Variants in ANKRD54 observed in about 807,000 individuals in gnomAD.
The protein encoded by ANKRD54 is ankyrin repeat domain-containing protein 54.
Under a neutral mutation model 36.2 loss-of-function variants are expected in ANKRD54, and 26 were observed. The observed-to-expected ratio is 0.72, with a 90% CI of 0.53 to 1.00. The LOEUF is 1.00. ANKRD54 is among the 50% of genes least tolerant of loss of function. The pLI is 0.00. For synonymous variants in ANKRD54, 209 were observed against 188.4 expected (o/e 1.11, Z -0.89); for missense variants, 384 against 424.3 (o/e 0.91, Z 0.83).
intron 6 of ANKRD54, 41 bp from the exon 7 acceptor site, chr22:37,832,785 G>A: frequency 6.2e-7 from 1 of 1,609,276 alleles, no homozygotes; most frequent in Non-Finnish European, 8.5e-7. Flanking sequence ...GGTTCCTAGG[G>A]AGGCAGACAG....
upstream of ANKRD54, chr22:37,847,585 C>T: frequency 2.2e-6 from 1 of 460,008 alleles, no homozygotes. Context: ...TAGATCAGAT[C>T]TCTTTCACTG....
chr22:37,849,161 T>G (rs1273077402), upstream of ANKRD54: 8 of 465,480 alleles, frequency 1.7e-5, no homozygotes, highest in African/African-American at 1.6e-4. Context: ...TAATTTTGTA[T>G]TTTTAGTAGA....
upstream of ANKRD54, chr22:37,849,265 T>G (rs910462532): frequency 2.7e-6 from 2 of 728,184 alleles, no homozygotes; most frequent in Admixed American, 4.5e-5. Context: ...CTGGTGGGGT[T>G]ACAGGTGTGA....
At position 37,831,596 on chromosome 22, in the gene ANKRD54, G is replaced by A; in HGVS notation, c.*347C>T. The A allele has an allele frequency of 3.5e-6, 1 of 288,930 alleles. No individual in the cohort carries two copies. Among genetic ancestry groups the A allele is most frequent in the Non-Finnish European group, 6.7e-6 (1 of 149,030 alleles). 17.9% of individuals were successfully genotyped at this position (288,930 alleles called of 1,614,324 possible). On this transcript the variant is annotated 3_prime_UTR_variant, in exon 8 of 8. Transcript: ENST00000215941. ...TGGCCAGGACGGAACACAGAGAAGG[G>A]TCTGAGGCCTGGAGCGCGCCATGAA...
upstream of ANKRD54, among the ~76,000 whole-genome samples, chr22:37,847,521 G>C (rs893770395): frequency 1.3e-5 from 2 of 152,110 alleles, no homozygotes; most frequent in Non-Finnish European, 2.9e-5. Context: ...AGCTCGGTTC[G>C]AGCCAGGAAT....
intron 3 of ANKRD54, 74 bp from the exon 4 acceptor site, chr22:37,833,829 G>T: frequency 7.0e-7 from 1 of 1,427,452 alleles, no homozygotes; most frequent in South Asian, 1.2e-5. Flanking sequence ...AACCTAGCTA[G>T]AGAGGCTGGC....
intron 3 of ANKRD54, among the ~76,000 whole-genome samples, chr22:37,836,695 C>A (rs1923590893): frequency 6.6e-6 from 1 of 151,440 alleles, no homozygotes; most frequent in Non-Finnish European, 1.5e-5. Flanking sequence ...ATGTAACGAA[C>A]CTGCACGTTC....
intron 3 of ANKRD54, 193 bp from the exon 4 acceptor site, chr22:37,833,948 G>A (rs781104298): frequency 3.5e-5 from 20 of 579,304 alleles, no homozygotes; most frequent in Non-Finnish European, 5.9e-5. Context: ...TGAGGGCCAG[G>A]AACTGAGGAT....
In ANKRD54 at chr22:37,830,895, A is replaced by C. The variant is rs1396502016; in HGVS notation, c.*1048T>G. On this transcript the variant is annotated 3_prime_UTR_variant, in exon 8 of 8. Coordinates refer to ENST00000215941, the MANE Select transcript of ANKRD54 (RefSeq NM_138797.4). ...CAAATTTATTCCCTTAGAGTTCTAA[A>C]ATCAGCCAGAATTATAAAATTAGCC... is the stretch of plus-strand genomic sequence containing the variant. The C allele has an allele frequency of 1.3e-5, 2 of 152,342 alleles. No homozygotes were observed. The highest frequency in any genetic ancestry group is 6.5e-5 in the Admixed American group (1 of 15,288). The allele number at this position is 152,342 out of a possible 1,614,324, so 9.4% of individuals were successfully genotyped here.
At chr22:37,837,949 C>T (rs891787177) in intron 3 of ANKRD54, among the ~76,000 whole-genome samples, 7 of 152,198 alleles carry the variant, frequency 4.6e-5, no homozygotes, top group African/African-American at 1.7e-4. Flanking sequence ...CTGGCTAATA[C>T]AGTGAAACCC....
upstream of ANKRD54, chr22:37,849,309 T>A (rs774436429): frequency 9.8e-7 from 1 of 1,017,656 alleles, no homozygotes; most frequent in Admixed American, 1.7e-5. Context: ...CTTCTGGATA[T>A]GGCTGTCTCA....
At chr22:37,833,353 G>C (rs1406043489) in intron 4 of ANKRD54, 147 bp from the exon 5 acceptor site, 11 of 996,284 alleles carry the variant, frequency 1.1e-5, no homozygotes, top group Non-Finnish European at 1.7e-5. Flanking sequence ...AGCTAGGTAG[G>C]ACTCAGAAGT....
intron 3 of ANKRD54, among the ~76,000 whole-genome samples, chr22:37,836,447 CAAAAAAAAAAAAA>C (rs760828902): frequency 2.7e-4 from 6 of 22,638 alleles, no homozygotes; most frequent in African/African-American, 7.8e-4. Flanking sequence ...AACTCTGTCT[CAAAAAAAAAAAAA>C]AAAAAAAAAA....
chr22:37,832,008 C>G lies in ANKRD54; in HGVS notation c.838G>C (p.Val280Leu). ...GTGAAGCTGGCCAGGAGGTCAGTCA[C>G]TTCATCCACCTGCAGGACGGAACAG... ...MTSTKEQVDE[V>L]TDLLASFTSL... is the part of the protein sequence containing the mutation. The change falls in exon 8 of 8, where the codon GTG (valine) becomes CTG (leucine). Residue 280 changes from valine to leucine, a missense_variant. Val to Leu is a conservative substitution (Grantham distance 32). Coordinates refer to ENST00000215941, the MANE Select transcript of ANKRD54 (RefSeq NM_138797.4). 1 of 1,612,962 alleles carries G rather than the reference C, an allele frequency of 6.2e-7. No individual in the cohort carries two copies. The highest frequency in any genetic ancestry group is 1.1e-5 in the South Asian group (1 of 90,760).
At chr22:37,832,056 G>T (rs1402467863) in intron 7 of ANKRD54, 39 bp from the exon 8 acceptor site, 9 of 1,583,766 alleles carry the variant, frequency 5.7e-6, no homozygotes, top group African/African-American at 1.3e-5. Context: ...GGGACACGGG[G>T]TGTGCCAGGG....
upstream of ANKRD54, chr22:37,849,314 G>A (rs750207696): frequency 5.6e-6 from 6 of 1,066,254 alleles, no homozygotes; most frequent in South Asian, 6.3e-5. Context: ...GGATATGGCT[G>A]TCTCAGATGG....
At chr22:37,844,419 TC>T, upstream of ANKRD54, 1 of 584,534 alleles carries the variant, frequency 1.7e-6, no homozygotes, top group South Asian at 2.4e-5. Context: ...TGACTACCCT[TC>T]CAGCTTAAAC....
chr22:37,841,557 C>CACAAAA lies in ANKRD54; in HGVS notation c.329-1324_329-1323insTTTTGT, dbSNP rs549337524. ...ACACACACACACACACACACACACA[C>CACAAAA]AAAAAACATAGGCCGGGCACAGTGG... On this transcript the variant is annotated intron_variant, in intron 1 of 7. Coordinates refer to ENST00000215941, the MANE Select transcript of ANKRD54 (RefSeq NM_138797.4). 2.9e-4 allele frequency among the ~76,000 whole-genome samples: 43 copies of CACAAAA among 148,594 alleles called. 2 individuals are homozygous for CACAAAA. Among genetic ancestry groups the CACAAAA allele is most frequent in the African/African-American group, 1.0e-3 (40 of 40,004 alleles).
At chr22:37,835,932 C>T (rs753674547) in intron 3 of ANKRD54, among the ~76,000 whole-genome samples, 2 of 152,038 alleles carry the variant, frequency 1.3e-5, no homozygotes, top group African/African-American at 2.4e-5. Flanking sequence ...CTCCGCCTCC[C>T]GGCTTCACAC....
Sources: allele counts gnomAD v4.1 joint callset (sites outside exome capture counted in the v4.1 genomes callset), GRCh38; gene constraint gnomAD v4.1.1; transcripts MANE v1.5; gene names NCBI Gene and HGNC (gene_info 2026-07-23, HGNC 2026-07-21).